OGFOD3: variants seen among roughly 807,000 people sequenced by gnomAD.
The protein encoded by OGFOD3 is 2-oxoglutarate and iron-dependent oxygenase domain-containing protein 3.
OGFOD3 carries 35 observed loss-of-function variants against 39.8 expected under a neutral mutation model. That is an observed-to-expected ratio of 0.88 (90% CI 0.67 to 1.17). OGFOD3 has a LOEUF of 1.17. Ranked by LOEUF, OGFOD3 falls within the 50% of genes most tolerant of loss-of-function variation. The pLI is 0.00. For synonymous variants in OGFOD3, 200 were observed against 192.0 expected, an observed-to-expected ratio of 1.04 and a Z score of -0.34; for missense variants, 438 against 454.5, an observed-to-expected ratio of 0.96 and a Z score of 0.33.
chr17:82,395,282 T>G (rs1191365167), intron 8 of OGFOD3, among the ~76,000 whole-genome samples: 2 of 152,194 alleles, frequency 1.3e-5, no homozygotes, highest in Non-Finnish European at 2.9e-5. Context: ...TCTGCCTGCC[T>G]CGGCCTTGCA....
Position 82,415,772 on chromosome 17 carries a change from C to T in OGFOD3, c.75-145G>A. Reference sequence around the variant, plus strand: ...GAGGGCTTCCTGCCTGGGGCCAGCGCTGTCCACTCAGGAAACACGGACTCT... The same window carrying T: ...GAGGGCTTCCTGCCTGGGGCCAGCGTTGTCCACTCAGGAAACACGGACTCT... On this transcript the variant is annotated intron_variant, in intron 1 of 8. Coordinates refer to ENST00000313056, the MANE Select transcript of OGFOD3 (RefSeq NM_024648.3). The surrounding 1 kb of genome is among the most constrained non-coding windows in gnomAD (Gnocchi z 5.3). 1 of 678,818 alleles carries T rather than the reference C, an allele frequency of 1.5e-6. No homozygotes were observed. Among genetic ancestry groups the T allele is most frequent in the East Asian group, 2.7e-5 (1 of 36,406 alleles). The allele number at this position is 678,818 out of a possible 1,614,324, so 42.0% of individuals were successfully genotyped here. A position where few individuals can be genotyped will look rare whatever the true frequency, so the allele number is the denominator to read the frequency against.
In OGFOD3 at chr17:82,415,960, GGC is replaced by G. The variant is rs899276516; in HGVS notation, c.75-335_75-334del. On this transcript the variant is annotated intron_variant, in intron 1 of 8. Coordinates refer to ENST00000313056, the MANE Select transcript of OGFOD3 (RefSeq NM_024648.3). This position sits in a 1 kb window ranked among gnomAD's most constrained non-coding sequence, Gnocchi z 5.3. Reference sequence around the variant, plus strand: ...AAAGCCACTTCAGGCCCGGCGCAGTGGCTTATGCCTGTAATCCCAGCACCTGG... The same window carrying G: ...AAAGCCACTTCAGGCCCGGCGCAGTGTTATGCCTGTAATCCCAGCACCTGG... 1.2e-4 allele frequency among the ~76,000 whole-genome samples: 18 copies of G among 152,126 alleles called. No individual in the cohort carries two copies.
chr17:82,411,522 G>A lies in OGFOD3; in HGVS notation c.313C>T (p.Pro105Ser), dbSNP rs747310509. 1 of 1,613,940 alleles carries A rather than the reference G, an allele frequency of 6.2e-7. No individual in the cohort carries two copies. Among genetic ancestry groups the A allele is most frequent in the Non-Finnish European group, 8.5e-7 (1 of 1,179,966 alleles). The change falls in exon 3 of 9, where the codon CCC becomes TCC. Residue 105 changes from proline (P) to serine (S), a missense_variant. By Grantham distance (74) the Pro-to-Ser change is moderately conservative. Coordinates refer to ENST00000313056, the MANE Select transcript of OGFOD3 (RefSeq NM_024648.3). ...DSHRRFEGCT[P>S]RKCGRGVTDV... Reference sequence around the variant, plus strand: ...GTGACACCTCTGCCGCACTTTCGGGGAGTGCAGCCTGTGAAGGGACAGCCA... The same window carrying A: ...GTGACACCTCTGCCGCACTTTCGGGAAGTGCAGCCTGTGAAGGGACAGCCA...
rs1050219569 is a variant in OGFOD3 at position 82,390,886 on chromosome 17, G to C, written c.*1512C>G. ...CCATGCCTCAGCTGGCCTCACGCCCGCTCCTTCCCAGGGGTCACCATGCCT... is the reference window on the plus strand; with the variant it reads ...CCATGCCTCAGCTGGCCTCACGCCCCCTCCTTCCCAGGGGTCACCATGCCT... On this transcript the variant is annotated 3_prime_UTR_variant, in exon 9 of 9. Coordinates refer to ENST00000313056, the MANE Select transcript of OGFOD3 (RefSeq NM_024648.3). The surrounding 1 kb of genome is among the most constrained non-coding windows in gnomAD (Gnocchi z 4.9). 3 of 145,772 alleles carry C rather than the reference G, an allele frequency of 2.1e-5. No individual in the cohort carries two copies. Among genetic ancestry groups the C allele is most frequent in the African/African-American group, 8.1e-5 (3 of 36,836 alleles). The allele number at this position is 145,772 out of a possible 1,614,324, so 9.0% of individuals were successfully genotyped here.
chr17:82,411,361 A>G, intron 3 of OGFOD3, 94 bp downstream of exon 3: 1 of 1,191,344 alleles, frequency 8.4e-7, no homozygotes, highest in Non-Finnish European at 1.2e-6. Flanking sequence ...AATCCTTAAA[A>G]CCACTTTATT....
chr17:82,409,267 G>A, intron 4 of OGFOD3, 101 bp downstream of exon 4: 11 of 1,194,422 alleles, frequency 9.2e-6, no homozygotes, highest in Non-Finnish European at 1.4e-5. Flanking sequence ...ACATTTGGGG[G>A]CACGCAGGGA....
At chr17:82,412,762 T>C (rs1233450685) in intron 2 of OGFOD3, among the ~76,000 whole-genome samples, 1 of 152,082 alleles carries the variant, frequency 6.6e-6, no homozygotes, top group Non-Finnish European at 1.5e-5. Flanking sequence ...TGGAAAGGCG[T>C]CAGGCCATGC....
intron 4 of OGFOD3, among the ~76,000 whole-genome samples, chr17:82,408,282 T>C (rs759824615): frequency 6.6e-6 from 1 of 152,236 alleles, no homozygotes; most frequent in Non-Finnish European, 1.5e-5. Flanking sequence ...GTTTCAAATA[T>C]GCAGAAAGAC....
intron 3 of OGFOD3, among the ~76,000 whole-genome samples, chr17:82,409,907 A>G (rs993517910): frequency 3.3e-5 from 5 of 150,220 alleles, no homozygotes; most frequent in African/African-American, 1.2e-4. Flanking sequence ...AAGAAAGAAA[A>G]AGAGAGAGAG....
Position 82,418,578 on chromosome 17 carries a change from G to A in OGFOD3, c.-93C>T, listed in dbSNP as rs549509762. 1.4e-3 allele frequency: 870 copies of A among 605,578 alleles called. 6 individuals carry two copies. The African/African-American group carries it at 0.016, about 11-fold the overall frequency. The allele number at this position is 605,578 out of a possible 1,614,324, so 37.5% of individuals were successfully genotyped here. On this transcript the variant is annotated 5_prime_UTR_variant, in exon 1 of 9. Coordinates refer to ENST00000313056, the MANE Select transcript of OGFOD3 (RefSeq NM_024648.3). ...GAGCGCGAGGCAGGCACGGCGCAGG[G>A]ACGCGAGTGCGACGCGCTCGGCCAT...
At chr17:82,414,382 C>T (rs2053000086) in intron 2 of OGFOD3, among the ~76,000 whole-genome samples, 2 of 152,238 alleles carry the variant, frequency 1.3e-5, no homozygotes, top group South Asian at 4.1e-4. Flanking sequence ...AAGCGATCCT[C>T]CTGCCTGGGC....
intron 8 of OGFOD3, chr17:82,394,552 A>C (rs1445594538): frequency 6.2e-7 from 1 of 1,602,086 alleles, no homozygotes; most frequent in Non-Finnish European, 8.5e-7. Flanking sequence ...TCCTGGGGAC[A>C]CAGGACAGGG....
In OGFOD3 at chr17:82,415,531, T is replaced by C; in HGVS notation, c.171A>G (p.Ala57=). 1 of 1,612,590 alleles carries C rather than the reference T, an allele frequency of 6.2e-7. No homozygotes were observed. The highest frequency in any genetic ancestry group is 1.3e-5 in the African/African-American group (1 of 74,636). ...AGLGAGFVLT[A]LLLWSSLGAD... is the part of the protein sequence containing the mutation. The stretch of plus-strand genomic sequence containing the variant: ...CCCCCAAGCTGCTCCAGAGCAGGAG[T>C]GCGGTGAGCACAAAGCCAGCCCCCA... Residue 57 remains alanine, a synonymous_variant, in exon 2 of 9, where the codon GCA becomes GCG. Coordinates refer to ENST00000313056, the MANE Select transcript of OGFOD3 (RefSeq NM_024648.3). This position sits in a 1 kb window ranked among gnomAD's most constrained non-coding sequence, Gnocchi z 5.3.
chr17:82,410,439 G>A (rs542635489), intron 3 of OGFOD3, among the ~76,000 whole-genome samples: 2 of 152,368 alleles, frequency 1.3e-5, no homozygotes, highest in South Asian at 4.1e-4. Context: ...TAGCCTCTGA[G>A]TGGCATCCTG....
intron 7 of OGFOD3, among the ~76,000 whole-genome samples, chr17:82,400,100 C>T (rs191980905): frequency 3.5e-4 from 53 of 152,292 alleles, no homozygotes; most frequent in African/African-American, 1.3e-3. Context: ...AGCAGGATCA[C>T]GCTGGGGCCC....
intron 3 of OGFOD3, 33 bp from the exon 4 acceptor site, chr17:82,409,443 C>T (rs764858384): frequency 2.5e-6 from 4 of 1,604,432 alleles, no homozygotes; most frequent in Non-Finnish European, 3.4e-6. Flanking sequence ...AATTTCGTTG[C>T]TAGAATTGTC....
chr17:82,418,179 C>T (rs1013533526), intron 1 of OGFOD3: 2 of 393,714 alleles, frequency 5.1e-6, no homozygotes, highest in East Asian at 8.4e-5. Context: ...TTTCTCCTGC[C>T]CCTCTGGGAT....
intron 7 of OGFOD3, among the ~76,000 whole-genome samples, chr17:82,403,509 G>A (rs2052799084): frequency 1.3e-5 from 2 of 152,148 alleles, no homozygotes; most frequent in Admixed American, 6.5e-5. Flanking sequence ...GGGCATGCCT[G>A]TAGTCCCAGC....
At chr17:82,410,350 C>T (rs2052923063) in intron 3 of OGFOD3, among the ~76,000 whole-genome samples, 1 of 152,240 alleles carries the variant, frequency 6.6e-6, no homozygotes, top group South Asian at 2.1e-4. Context: ...CACACCATTC[C>T]ACATGCTTAT....
Sources: allele counts gnomAD v4.1 joint callset (sites outside exome capture counted in the v4.1 genomes callset), GRCh38; gene constraint gnomAD v4.1.1; non-coding constraint Gnocchi (gnomAD v3.1); transcripts MANE v1.5; gene names NCBI Gene and HGNC (gene_info 2026-07-23, HGNC 2026-07-21).